Variants in SKIC3 observed in about 807,000 individuals in gnomAD.
SKIC3 encodes SKI3 subunit of superkiller complex, also known as superkiller complex protein 3.
At chr5:95,489,794 G>A in the SKIC3 span, among the ~76,000 whole-genome samples, 3 of 152,026 alleles carry the variant, frequency 2.0e-5, no homozygotes, top group Non-Finnish European at 4.4e-5. Flanking sequence ...ATAAAAATAG[G>A]TAGATTGTTC....
At chr5:95,472,940 C>T in the SKIC3 span, among the ~76,000 whole-genome samples, 202 of 152,172 alleles carry the variant, frequency 1.3e-3, 1 homozygote, top group African/African-American at 4.4e-3. Context: ...GACATGATTT[C>T]GTTCTTTTTT....
the SKIC3 span, chr5:95,513,617 T>C: frequency 6.2e-7 from 1 of 1,613,868 alleles, no homozygotes; most frequent in Non-Finnish European, 8.5e-7. Flanking sequence ...CATGGTGTCA[T>C]AACTTCCAAC....
chr5:95,523,469 C>T, the SKIC3 span: 2 of 1,178,908 alleles, frequency 1.7e-6, no homozygotes, highest in Non-Finnish European at 2.3e-6. Flanking sequence ...ACAGTTTCAA[C>T]AATAAGTGGT....
At chr5:95,526,291 G>C in the SKIC3 span, among the ~76,000 whole-genome samples, 1 of 150,838 alleles carries the variant, frequency 6.6e-6, no homozygotes, top group East Asian at 1.9e-4. Context: ...TGAAAAATAT[G>C]GCCTATTTGT....
chr5:95,513,382 T>A, the SKIC3 span: 6 of 584,164 alleles, frequency 1.0e-5, no homozygotes, highest in East Asian at 1.6e-4. Flanking sequence ...TTTTAATTTT[T>A]TTTTTTAAGA....
chr5:95,504,716 G>A, the SKIC3 span, among the ~76,000 whole-genome samples: 2 of 151,592 alleles, frequency 1.3e-5, no homozygotes, highest in Admixed American at 6.6e-5. Flanking sequence ...TTAAGGGAGA[G>A]GAAGCCGGGC....
chr5:95,503,782 A>C, the SKIC3 span: 1 of 1,611,850 alleles, frequency 6.2e-7, no homozygotes, highest in South Asian at 1.1e-5. Flanking sequence ...TCGACTCTAA[A>C]TGTGTCCTTA....
At chr5:95,540,623 C>T in the SKIC3 span, 1 of 1,582,114 alleles carries the variant, frequency 6.3e-7, no homozygotes, top group Non-Finnish European at 8.7e-7. Flanking sequence ...AATTATGTTT[C>T]CATTTTCTAA....
the SKIC3 span, among the ~76,000 whole-genome samples, chr5:95,466,409 T>C: frequency 6.6e-6 from 1 of 152,170 alleles, no homozygotes; most frequent in African/African-American, 2.4e-5. Context: ...AAAATACAAC[T>C]AACACCTAGC....
At chr5:95,525,595 C>G in the SKIC3 span, 1 of 1,614,030 alleles carries the variant, frequency 6.2e-7, no homozygotes, top group East Asian at 2.2e-5. Context: ...ACCTTTGCAG[C>G]TTCATCAAAT....
chr5:95,529,766 TCCTCCCTC>T, the SKIC3 span, among the ~76,000 whole-genome samples: 3 of 151,078 alleles, frequency 2.0e-5, no homozygotes, highest in Admixed American at 6.6e-5. Flanking sequence ...ATGTCTGCCT[TCCTCCCTC>T]CCTCCCTCCC....
At chr5:95,506,752 G>T in the SKIC3 span, among the ~76,000 whole-genome samples, 1 of 152,192 alleles carries the variant, frequency 6.6e-6, no homozygotes, top group Non-Finnish European at 1.5e-5. Flanking sequence ...TCCACATAAA[G>T]CACACTGGGG....
At chr5:95,477,578 A>C in the SKIC3 span, among the ~76,000 whole-genome samples, 1 of 152,112 alleles carries the variant, frequency 6.6e-6, no homozygotes, top group African/African-American at 2.4e-5. Context: ...TAAAATGAAA[A>C]ATTCTCCTCT....
the SKIC3 span, among the ~76,000 whole-genome samples, chr5:95,517,712 A>G: frequency 5.2e-4 from 79 of 152,288 alleles, no homozygotes; most frequent in Non-Finnish European, 4.4e-4. Context: ...TACAACTGAC[A>G]GTTGTAAACT....
chr5:95,504,988 A>C, the SKIC3 span, among the ~76,000 whole-genome samples: 2 of 152,114 alleles, frequency 1.3e-5, no homozygotes, highest in Non-Finnish European at 2.9e-5. Context: ...CTGGGTGACA[A>C]GAGAGAAACT....
At chr5:95,517,672 T>C in the SKIC3 span, among the ~76,000 whole-genome samples, 10 of 152,160 alleles carry the variant, frequency 6.6e-5, no homozygotes, top group Non-Finnish European at 1.0e-4. Context: ...GTTTAAGCAA[T>C]GACCAAGGCA....
chr5:95,519,737 T>C, the SKIC3 span, among the ~76,000 whole-genome samples: 2 of 152,090 alleles, frequency 1.3e-5, no homozygotes, highest in African/African-American at 4.8e-5. Context: ...AATTGTTTTA[T>C]ATGCCACCTT....
chr5:95,547,123 G>A, the SKIC3 span: 1 of 1,613,182 alleles, frequency 6.2e-7, no homozygotes, highest in South Asian at 1.1e-5. Context: ...GCACTTTTTA[G>A]AGCAGTCTTC....
the SKIC3 span, chr5:95,541,512 T>C: frequency 7.9e-6 from 7 of 883,936 alleles, no homozygotes; most frequent in Middle Eastern, 2.6e-4. Flanking sequence ...TTAGAACATA[T>C]CTTCTTTCAT....
Sources: allele counts gnomAD v4.1 joint callset (sites outside exome capture counted in the v4.1 genomes callset), GRCh38; gene constraint gnomAD v4.1.1; transcripts MANE v1.5; gene names NCBI Gene and HGNC (gene_info 2026-07-23, HGNC 2026-07-21).